DRAXIN: variants seen among roughly 807,000 people sequenced by gnomAD.
DRAXIN encodes the protein dorsal inhibitory axon guidance protein, also known as dorsal repulsive axon guidance protein.
In DRAXIN, 27 loss-of-function variants were observed where a neutral mutation model predicts 33.9. The observed-to-expected ratio is 0.80, with a 90% CI of 0.59 to 1.10. DRAXIN has a LOEUF of 1.10. DRAXIN is among the 50% of genes least tolerant of loss of function. The probability of loss-of-function intolerance (pLI) is 0.00; values close to 1 mark genes in which losing one functional copy is unlikely to be tolerated. For synonymous variants in DRAXIN, 178 were observed against 194.0 expected (o/e 0.92, Z 0.69); for missense variants, 371 against 460.8 (o/e 0.81, Z 1.78).
chr1:11,707,036 C>T (rs961636460), intron 2 of DRAXIN, among the ~76,000 whole-genome samples: 57 of 152,178 alleles, frequency 3.7e-4, no homozygotes, highest in Admixed American at 2.5e-3. Flanking sequence ...CCCGTCTCTA[C>T]TAAAAATACA....
At chr1:11,710,563 C>T (rs1486706729) in intron 3 of DRAXIN, among the ~76,000 whole-genome samples, 3 of 151,732 alleles carry the variant, frequency 2.0e-5, no homozygotes, top group South Asian at 4.2e-4. Context: ...ACTGGTGATT[C>T]TGGAAGAGGG....
intron 1 of DRAXIN, among the ~76,000 whole-genome samples, chr1:11,702,158 C>T (rs1239665588): frequency 6.6e-6 from 1 of 151,010 alleles, no homozygotes; most frequent in Non-Finnish European, 1.5e-5. Flanking sequence ...CACACATTCA[C>T]GCTCACACAT....
Position 11,704,429 on chromosome 1 carries a change from AACAATGCTTGAGTG to A in DRAXIN, c.-10-1816_-10-1803del, listed in dbSNP as rs147155697. Reference sequence around the variant, plus strand: ...CAGGATTGAGGTTCCCTCTGCGCCGAACAATGCTTGAGTGACAGGCCTTTAAAATGGGCCCCTCC... The same window carrying A: ...CAGGATTGAGGTTCCCTCTGCGCCGAACAGGCCTTTAAAATGGGCCCCTCC... On this transcript the variant is annotated intron_variant, in intron 1 of 6. Transcript: ENST00000294485. This position sits in a 1 kb window ranked among gnomAD's most constrained non-coding sequence, Gnocchi z 4.6. 4.4e-3 allele frequency among the ~76,000 whole-genome samples: 676 copies of A among 152,296 alleles called. 18 individuals are homozygous for A. In the East Asian group the frequency reaches 0.066, roughly 15 times the overall value.
At chr1:11,707,573 A>G (rs1641409306) in intron 2 of DRAXIN, among the ~76,000 whole-genome samples, 1 of 152,186 alleles carries the variant, frequency 6.6e-6, no homozygotes, top group Non-Finnish European at 1.5e-5. Flanking sequence ...CAGGGCCATG[A>G]GCAGTCATTG....
At position 11,696,132 on chromosome 1, in the gene DRAXIN, C is replaced by T. The variant is rs72869766; in HGVS notation, c.-11+4279C>T. On this transcript the variant is annotated intron_variant, in intron 1 of 6. Transcript: ENST00000294485. The surrounding 1 kb of genome is among the most constrained non-coding windows in gnomAD (Gnocchi z 4.7). ...TGAGGACAGAGGACGCAGCCACCTG[C>T]GCCTGCCCCTTTGCACACCCAGGCA... Among the ~76,000 whole-genome samples, 229 of 152,294 alleles carry T rather than the reference C, an allele frequency of 1.5e-3. No individual in the cohort carries two copies. The highest frequency in any genetic ancestry group is 5.1e-3 in the African/African-American group (213 of 41,556).
chr1:11,693,237 C>G (rs1010585130), intron 1 of DRAXIN, among the ~76,000 whole-genome samples: 2 of 152,032 alleles, frequency 1.3e-5, no homozygotes, highest in Non-Finnish European at 2.9e-5. Flanking sequence ...ATCAGTGTGG[C>G]TGAGCTGGTG....
At chr1:11,688,451 C>T (rs1199810194), upstream of DRAXIN, among the ~76,000 whole-genome samples, 2 of 152,074 alleles carry the variant, frequency 1.3e-5, no homozygotes, top group Non-Finnish European at 2.9e-5. This position sits in a 1 kb window ranked among gnomAD's most constrained non-coding sequence, Gnocchi z 4.6. Context: ...GTCACAGCTA[C>T]TCAGGAAGCT....
chr1:11,708,832 T>C (rs559760433), intron 2 of DRAXIN, among the ~76,000 whole-genome samples: 1 of 152,290 alleles, frequency 6.6e-6, no homozygotes, highest in African/African-American at 2.4e-5. Context: ...CTCACTTGTG[T>C]GTGATAAGCA....
In DRAXIN at chr1:11,722,343, C is replaced by T. The variant is rs1641669720; in HGVS notation, c.*2647C>T. On this transcript the variant is annotated 3_prime_UTR_variant, in exon 7 of 7. Transcript: ENST00000294485. ...GTCCTAGGACATCAGCCATGGAGAA[C>T]ACAGAGGGTCAGGACAAAGCTAAAA... 6.6e-6 allele frequency: 1 copy of T among 152,176 alleles called. No homozygotes were observed. Among genetic ancestry groups the T allele is most frequent in the Admixed American group, 6.5e-5 (1 of 15,282 alleles). The allele number at this position is 152,176 out of a possible 1,614,324, so 9.4% of individuals were successfully genotyped here. A position where few individuals can be genotyped will look rare whatever the true frequency, so the allele number is the denominator to read the frequency against.
At chr1:11,686,737 T>C (rs1213119047), upstream of DRAXIN, among the ~76,000 whole-genome samples, 2 of 146,498 alleles carry the variant, frequency 1.4e-5, no homozygotes, top group African/African-American at 5.1e-5. Context: ...ACATCAGGAG[T>C]GTCCAGATAT....
At chr1:11,709,993 T>A (rs1641451024) in intron 3 of DRAXIN, among the ~76,000 whole-genome samples, 1 of 152,080 alleles carries the variant, frequency 6.6e-6, no homozygotes, top group Non-Finnish European at 1.5e-5. Flanking sequence ...GAGACCAGCC[T>A]GGCCAACATA....
rs2100741150 is a variant in DRAXIN at position 11,712,035 on chromosome 1, G to T, written c.757+70G>T. On this transcript the variant is annotated intron_variant, in intron 4 of 6. Coordinates refer to ENST00000294485, the MANE Select transcript of DRAXIN (RefSeq NM_198545.4). ...CCTCCCGCACCATCTGTTGAGGTGG[G>T]GGCCCCAGTGAGCCCTGTCTGATCT... 9 of 1,467,196 alleles carry T rather than the reference G, an allele frequency of 6.1e-6. No individual in the cohort carries two copies. The South Asian group carries it at 1.1e-4, about 18-fold the overall frequency. The allele number at this position is 1,467,196 out of a possible 1,614,324, so 90.9% of individuals were successfully genotyped here.
intron 1 of DRAXIN, among the ~76,000 whole-genome samples, chr1:11,703,620 G>A (rs9430624): frequency 0.35 from 52,539 of 152,088 alleles, 9,507 homozygotes; most frequent in Admixed American, 0.43. Flanking sequence ...GTCACAACCC[G>A]AGTAGCCATA....
Position 11,702,940 on chromosome 1 carries a change from ACCATGCTGG to A in DRAXIN, c.-10-3305_-10-3297del, listed in dbSNP as rs1442428526. Among the ~76,000 whole-genome samples, 12 of 152,192 alleles carry A rather than the reference ACCATGCTGG, an allele frequency of 7.9e-5. No homozygotes were observed. In the East Asian group the frequency reaches 2.3e-3, roughly 29 times the overall value. On this transcript the variant is annotated intron_variant, in intron 1 of 6. Transcript: ENST00000294485. Reference sequence around the variant, plus strand: ...GTATTTTTAGTAGAGGCGGGGCTTCACCATGCTGGCCAGGCTGGCCTCGAACTCCTGACC... The same window carrying A: ...GTATTTTTAGTAGAGGCGGGGCTTCACCAGGCTGGCCTCGAACTCCTGACC...
At chr1:11,700,858 G>A (rs1641262656) in intron 1 of DRAXIN, among the ~76,000 whole-genome samples, 1 of 152,236 alleles carries the variant, frequency 6.6e-6, no homozygotes. Context: ...AGGCCGATCA[G>A]CGCCGCAGGA....
chr1:11,688,377 T>C (rs955854099), upstream of DRAXIN, among the ~76,000 whole-genome samples: 1 of 151,976 alleles, frequency 6.6e-6, no homozygotes, highest in African/African-American at 2.4e-5. This position sits in a 1 kb window ranked among gnomAD's most constrained non-coding sequence, Gnocchi z 4.6. Context: ...CTGGCTAACA[T>C]GGGGAAACTC....
Position 11,705,074 on chromosome 1 carries a change from G to A in DRAXIN, c.-10-1175G>A, listed in dbSNP as rs1449003800. 6.6e-6 allele frequency among the ~76,000 whole-genome samples: 1 copy of A among 152,256 alleles called. No homozygotes were observed. The highest frequency in any genetic ancestry group is 2.1e-4 in the South Asian group (1 of 4,838). ...GGGCCGCAGGGAGAGGCGCCGGGAA[G>A]CAGGGAAACATCACAGGCCCACCAA... On this transcript the variant is annotated intron_variant, in intron 1 of 6. Transcript: ENST00000294485. This position sits in a 1 kb window ranked among gnomAD's most constrained non-coding sequence, Gnocchi z 4.8.
chr1:11,713,989 A>G (rs1287196301), intron 5 of DRAXIN, among the ~76,000 whole-genome samples: 3 of 152,170 alleles, frequency 2.0e-5, no homozygotes, highest in African/African-American at 4.8e-5. Context: ...CCGAGATCGC[A>G]CGACTGCACT....
chr1:11,687,515 C>T (rs985912498), upstream of DRAXIN, among the ~76,000 whole-genome samples: 3 of 152,210 alleles, frequency 2.0e-5, no homozygotes, highest in Non-Finnish European at 4.4e-5. The surrounding 1 kb of genome is among the most constrained non-coding windows in gnomAD (Gnocchi z 4.1). Flanking sequence ...GTTGGGATGA[C>T]AGGCATGAGC....
Sources: allele counts gnomAD v4.1 joint callset (sites outside exome capture counted in the v4.1 genomes callset), GRCh38; gene constraint gnomAD v4.1.1; non-coding constraint Gnocchi (gnomAD v3.1); transcripts MANE v1.5; gene names NCBI Gene and HGNC (gene_info 2026-07-23, HGNC 2026-07-21).